The following FAM133B variants were observed in gnomAD, a reference collection of about 807,000 sequenced individuals.
FAM133B encodes the protein family with sequence similarity 133 member B.
In FAM133B, 25 loss-of-function variants were observed where a neutral mutation model predicts 46.4. That is an observed-to-expected ratio of 0.54 (90% CI 0.39 to 0.75). FAM133B has a LOEUF of 0.75. FAM133B is among the 30% of genes least tolerant of loss of function. The pLI is 0.00. For synonymous variants in FAM133B, 75 were observed against 86.0 expected (o/e 0.87, Z 0.71); for missense variants, 205 against 277.6 (o/e 0.74, Z 1.86).
At chr7:92,582,306 AC>A (rs1794909973) in intron 1 of FAM133B, among the ~76,000 whole-genome samples, 3 of 150,824 alleles carry the variant, frequency 2.0e-5, no homozygotes, top group Non-Finnish European at 4.4e-5. Context: ...AACATAAATA[AC>A]ATAAAATAAC....
chr7:92,577,081 A>G, intron 7 of FAM133B, 22 bp downstream of exon 7: 1 of 1,352,160 alleles, frequency 7.4e-7, no homozygotes, highest in Non-Finnish European at 9.8e-7. Flanking sequence ...TATCCAATAT[A>G]TTAATAATTT....
intron 5 of FAM133B, 27 bp from the exon 6 acceptor site, chr7:92,577,744 C>T: frequency 2.6e-6 from 4 of 1,534,026 alleles, no homozygotes; most frequent in Non-Finnish European, 3.5e-6. Context: ...ACAATTAAAG[C>T]TTGTGAGATG....
chr7:92,566,162 T>C (rs1585296499), intron 9 of FAM133B, 101 bp from the exon 10 acceptor site: 2 of 1,079,864 alleles, frequency 1.9e-6, no homozygotes, highest in South Asian at 1.4e-5. Flanking sequence ...AAAATTTAAA[T>C]GTAAAAAACA....
intron 5 of FAM133B, 194 bp downstream of exon 5, chr7:92,577,956 C>T (rs6465363): frequency 0.049 from 32,365 of 654,756 alleles, 2,276 homozygotes; most frequent in East Asian, 0.28. Context: ...AAATGTACTA[C>T]GTTATAAGGT....
intron 10 of FAM133B, 133 bp downstream of exon 10, chr7:92,565,881 C>T: frequency 2.2e-6 from 2 of 904,810 alleles, no homozygotes; most frequent in Non-Finnish European, 3.5e-6. Flanking sequence ...AGTGAAGCTG[C>T]TGAACACACC....
chr7:92,562,043 G>A lies in FAM133B; in HGVS notation c.*239C>T. ...AAATATCTTAACCACTAGTACGACT[G>A]CAGTGTATTATCTCCCAGAGTTATC... On this transcript the variant is annotated 3_prime_UTR_variant, in exon 11 of 11. Coordinates refer to ENST00000445716, the MANE Select transcript of FAM133B (RefSeq NM_152789.4). The A allele has an allele frequency of 5.3e-6, 2 of 375,526 alleles. No homozygotes were observed. Among genetic ancestry groups the A allele is most frequent in the Non-Finnish European group, 9.5e-6 (2 of 210,260 alleles). 23.3% of individuals were successfully genotyped at this position (375,526 alleles called of 1,614,324 possible). A position where few individuals can be genotyped will look rare whatever the true frequency, so the allele number is the denominator to read the frequency against.
chr7:92,577,199 C>A lies in FAM133B; in HGVS notation c.373-4G>T. The A allele has an allele frequency of 6.9e-7, 1 of 1,454,544 alleles. No individual in the cohort carries two copies. Among genetic ancestry groups the A allele is most frequent in the South Asian group, 1.5e-5 (1 of 66,880 alleles). 90.1% of individuals were successfully genotyped at this position (1,454,544 alleles called of 1,614,324 possible). A position where few individuals can be genotyped will look rare whatever the true frequency, so the allele number is the denominator to read the frequency against. On this transcript the variant is annotated splice_region_variant and splice_polypyrimidine_tract_variant and intron_variant, in intron 6 of 10. Coordinates refer to ENST00000445716, the MANE Select transcript of FAM133B (RefSeq NM_152789.4). ...TCCGTTTTCCTTGTTTCTTATCCTA[C>A]ATAAAATATTTTTAGAAACATTTGC... is the stretch of plus-strand genomic sequence containing the variant.
chr7:92,581,640 T>C (rs1279910862), intron 1 of FAM133B, 37 bp from the exon 2 acceptor site: 2 of 1,535,930 alleles, frequency 1.3e-6, no homozygotes, highest in Non-Finnish European at 9.0e-7. Context: ...ATTAAAGCAA[T>C]CATTAAACAT....
intron 10 of FAM133B, 147 bp downstream of exon 10, chr7:92,565,867 A>G: frequency 1.3e-6 from 1 of 749,428 alleles, no homozygotes; most frequent in Non-Finnish European, 2.2e-6. Flanking sequence ...TCTCCTACCC[A>G]TTAAGTGAAG....
rs977924462 is a variant in FAM133B at position 92,585,433 on chromosome 7, C to T, written c.25-3830G>A. ...ATATTTCAGGTTAGAATTGTAAAAA[C>T]TGTTTATTTCCAAAGAGTGCAAATA... On this transcript the variant is annotated intron_variant, in intron 1 of 10. Coordinates refer to ENST00000445716, the MANE Select transcript of FAM133B (RefSeq NM_152789.4). 7.8e-6 allele frequency: 7 copies of T among 893,450 alleles called. No homozygotes were observed. The African/African-American group carries it at 1.1e-4, about 14-fold the overall frequency. The allele number at this position is 893,450 out of a possible 1,614,324, so 55.3% of individuals were successfully genotyped here.
At chr7:92,567,137 A>T (rs112177421) in intron 9 of FAM133B, among the ~76,000 whole-genome samples, 48 of 152,230 alleles carry the variant, frequency 3.2e-4, no homozygotes, top group African/African-American at 1.1e-3. Context: ...AAATCACTTG[A>T]GCCCAGGAGT....
chr7:92,565,918 G>T, intron 10 of FAM133B, 96 bp downstream of exon 10: 1 of 1,275,638 alleles, frequency 7.8e-7, no homozygotes, highest in Non-Finnish European at 1.1e-6. Flanking sequence ...ATACTTATTT[G>T]GTCCCAGTAA....
chr7:92,577,878 G>A, intron 5 of FAM133B, 161 bp from the exon 6 acceptor site: 1 of 689,762 alleles, frequency 1.4e-6, no homozygotes, highest in Non-Finnish European at 2.4e-6. Flanking sequence ...CTTGTTCCCT[G>A]TACAAAAGCT....
chr7:92,577,565 A>G (rs1794738163), intron 6 of FAM133B, 90 bp downstream of exon 6: 1 of 1,127,738 alleles, frequency 8.9e-7, no homozygotes, highest in Non-Finnish European at 1.2e-6. Context: ...GGAAGTCAAC[A>G]TTTCTAACAG....
At chr7:92,581,064 T>C (rs546548514) in intron 2 of FAM133B, among the ~76,000 whole-genome samples, 2 of 152,242 alleles carry the variant, frequency 1.3e-5, no homozygotes, top group African/African-American at 4.8e-5. Flanking sequence ...AAGAATAACA[T>C]GGCCCATACT....
intron 2 of FAM133B, among the ~76,000 whole-genome samples, chr7:92,580,019 CTGTT>C (rs1300326022): frequency 6.6e-6 from 1 of 152,172 alleles, no homozygotes; most frequent in Non-Finnish European, 1.5e-5. Flanking sequence ...GTTCCTAAAA[CTGTT>C]TGTACAAACA....
chr7:92,574,911 CAAA>C (rs5885810), intron 8 of FAM133B, among the ~76,000 whole-genome samples: 4 of 110,422 alleles, frequency 3.6e-5, no homozygotes, highest in Admixed American at 9.4e-5. Context: ...GACTCCGTCT[CAAA>C]AAAAAAAAAA....
At chr7:92,567,211 T>C (rs1260452128) in intron 9 of FAM133B, among the ~76,000 whole-genome samples, 1 of 152,148 alleles carries the variant, frequency 6.6e-6, no homozygotes, top group Non-Finnish European at 1.5e-5. Flanking sequence ...AGCAAGAACC[T>C]GCCTCTAAAA....
intron 1 of FAM133B, among the ~76,000 whole-genome samples, chr7:92,586,750 A>T (rs1334649625): frequency 6.6e-6 from 1 of 152,266 alleles, no homozygotes; most frequent in Non-Finnish European, 1.5e-5. Flanking sequence ...CACAATGTGC[A>T]GAATTTCATT....
Sources: allele counts gnomAD v4.1 joint callset (sites outside exome capture counted in the v4.1 genomes callset), GRCh38; gene constraint gnomAD v4.1.1; transcripts MANE v1.5; gene names NCBI Gene and HGNC (gene_info 2026-07-23, HGNC 2026-07-21).